The following FAM184B variants were observed in gnomAD, a reference collection of about 807,000 sequenced individuals.
The protein encoded by FAM184B is family with sequence similarity 184 member B.
Under a neutral mutation model 135.9 loss-of-function variants are expected in FAM184B, and 111 were observed. The observed-to-expected ratio is 0.82, with a 90% CI of 0.70 to 0.96. The LOEUF (loss-of-function observed/expected upper bound fraction) is 0.96. Among genes scored for constraint, FAM184B ranks in the 40% least tolerant of loss-of-function variants. The probability of loss-of-function intolerance (pLI) is 0.00; values close to 1 mark genes in which losing one functional copy is unlikely to be tolerated. For missense variants in FAM184B, 1,375 were observed against 1,323.9 expected (o/e 1.04, Z -0.60); for synonymous variants, 552 against 524.8 (o/e 1.05, Z -0.71).
intron 1 of FAM184B, among the ~76,000 whole-genome samples, chr4:17,778,682 T>C (rs1718977238): frequency 6.6e-6 from 1 of 152,014 alleles, no homozygotes; most frequent in South Asian, 2.1e-4. Flanking sequence ...GAGACTCTAT[T>C]TCTACAAAAA....
chr4:17,650,577 C>T (rs1357533194), intron 11 of FAM184B, among the ~76,000 whole-genome samples: 1 of 152,190 alleles, frequency 6.6e-6, no homozygotes, highest in Admixed American at 6.5e-5. Context: ...GCAGCTGCTG[C>T]TGGGTGTTGG....
rs147602260 is a variant in FAM184B, at chr4:17,713,617, A to C, written c.142-3973T>G. On this transcript the variant is annotated intron_variant, in intron 1 of 17. Coordinates refer to ENST00000265018, the MANE Select transcript of FAM184B (RefSeq NM_015688.2). Reference sequence around the variant, plus strand: ...CAGAGGATCCTCATGGCAACCCTGCAATTTGGTATTTTTCTGAGCAAATGG... The same window carrying C: ...CAGAGGATCCTCATGGCAACCCTGCCATTTGGTATTTTTCTGAGCAAATGG... 1.8e-4 allele frequency among the ~76,000 whole-genome samples: 28 copies of C among 152,332 alleles called. No homozygotes were observed. In the East Asian group the frequency reaches 5.4e-3, roughly 29 times the overall value.
chr4:17,733,002 T>C (rs1046863357), intron 1 of FAM184B, among the ~76,000 whole-genome samples: 6 of 152,220 alleles, frequency 3.9e-5, no homozygotes, highest in African/African-American at 1.2e-4. Context: ...TCAAGTGGGC[T>C]TCATTCCTGG....
chr4:17,781,565 C>G lies in FAM184B; in HGVS notation c.-266G>C, dbSNP rs971097334. The G allele has an allele frequency of 4.4e-5, 18 of 406,128 alleles. No homozygotes were observed. Among genetic ancestry groups the G allele is most frequent in the Non-Finnish European group, 7.0e-5 (16 of 229,276 alleles). The allele number at this position is 406,128 out of a possible 1,614,324, so 25.2% of individuals were successfully genotyped here. ...GCACCCTGCGGCGAGGCGTCGGCGC[C>G]CCGCACGTGCCGCTGGCGATCAGTC... On this transcript the variant is annotated 5_prime_UTR_variant, in exon 1 of 18. Coordinates refer to ENST00000265018, the MANE Select transcript of FAM184B (RefSeq NM_015688.2). The surrounding 1 kb of genome is among the most constrained non-coding windows in gnomAD (Gnocchi z 6.5).
intron 1 of FAM184B, among the ~76,000 whole-genome samples, chr4:17,733,063 T>C (rs1717823553): frequency 6.6e-6 from 1 of 152,134 alleles, no homozygotes; most frequent in Non-Finnish European, 1.5e-5. Context: ...ATCCAGCATA[T>C]AAACAGAACC....
At chr4:17,745,220 G>A (rs1052351157) in intron 1 of FAM184B, among the ~76,000 whole-genome samples, 15 of 152,212 alleles carry the variant, frequency 9.9e-5, no homozygotes, top group African/African-American at 3.1e-4. Flanking sequence ...CTAGATTTTA[G>A]TCCTTGCTCT....
intron 1 of FAM184B, among the ~76,000 whole-genome samples, chr4:17,714,946 G>A (rs962675773): frequency 3.9e-5 from 6 of 152,208 alleles, no homozygotes; most frequent in Non-Finnish European, 7.4e-5. Flanking sequence ...GAACTGTTCT[G>A]TCAGGCTGAA....
At chr4:17,719,388 T>C (rs1357017685) in intron 1 of FAM184B, among the ~76,000 whole-genome samples, 14 of 152,172 alleles carry the variant, frequency 9.2e-5, no homozygotes. Context: ...GACAAATAAT[T>C]TAAAACTTAT....
At chr4:17,706,041 A>G in intron 3 of FAM184B, 150 bp from the exon 4 acceptor site, 1 of 985,424 alleles carries the variant, frequency 1.0e-6, no homozygotes, top group Non-Finnish European at 1.5e-6. Flanking sequence ...CTGACCCCGA[A>G]GCATGGTCAA....
intron 10 of FAM184B, 21 bp downstream of exon 10, chr4:17,658,315 CCGGCACAGAGTAGA>C: frequency 6.5e-7 from 1 of 1,546,558 alleles, no homozygotes; most frequent in Non-Finnish European, 8.8e-7. Context: ...TAGCAGGTGC[CCGGCACAGAGTAGA>C]CGGCACAGTC....
intron 1 of FAM184B, among the ~76,000 whole-genome samples, chr4:17,743,147 A>G (rs1333029517): frequency 6.6e-6 from 1 of 152,220 alleles, no homozygotes; most frequent in African/African-American, 2.4e-5. Context: ...AGGTCAAGAG[A>G]ACTATCCTGT....
At chr4:17,634,433 C>T (rs1461429525) in intron 16 of FAM184B, among the ~76,000 whole-genome samples, 4 of 152,266 alleles carry the variant, frequency 2.6e-5, no homozygotes, top group African/African-American at 9.6e-5. Flanking sequence ...AAGTGATTCT[C>T]CTACCTCGGC....
intron 8 of FAM184B, among the ~76,000 whole-genome samples, chr4:17,662,101 C>A (rs1715932932): frequency 6.6e-6 from 1 of 152,204 alleles, no homozygotes; most frequent in Non-Finnish European, 1.5e-5. Context: ...ACGTGGGATG[C>A]ATTCTCTTGT....
At chr4:17,696,011 T>C (rs946038537) in intron 5 of FAM184B, among the ~76,000 whole-genome samples, 1 of 152,180 alleles carries the variant, frequency 6.6e-6, no homozygotes. Flanking sequence ...AGCAGGTATT[T>C]GTAGAGCAGC....
In FAM184B at chr4:17,647,800, G is replaced by T; in HGVS notation, c.2192-9C>A. 2 of 1,548,588 alleles carry T rather than the reference G, an allele frequency of 1.3e-6. No individual in the cohort carries two copies. Among genetic ancestry groups the T allele is most frequent in the South Asian group, 1.2e-5 (1 of 83,996 alleles). ...CTCCTGTCTGAGCGACTCTGGAAAAGGGAGAGCAGCAGTGAGTTAGGCGTT... is the reference window on the plus strand; with the variant it reads ...CTCCTGTCTGAGCGACTCTGGAAAATGGAGAGCAGCAGTGAGTTAGGCGTT... On this transcript the variant is annotated splice_polypyrimidine_tract_variant and intron_variant, in intron 11 of 17. Transcript: ENST00000265018.
intron 7 of FAM184B, among the ~76,000 whole-genome samples, chr4:17,668,088 C>A (rs925662199): frequency 2.0e-5 from 3 of 152,208 alleles, no homozygotes; most frequent in Non-Finnish European, 2.9e-5. Context: ...TACAGGTCAC[C>A]TGCATTAGCA....
intron 6 of FAM184B, among the ~76,000 whole-genome samples, chr4:17,691,152 T>C (rs570687493): frequency 6.6e-6 from 1 of 152,002 alleles, no homozygotes; most frequent in Non-Finnish European, 1.5e-5. Flanking sequence ...CGGTTAAGGG[T>C]GGGGTCATTA....
chr4:17,632,308 C>T lies in FAM184B; in HGVS notation c.*224G>A. On this transcript the variant is annotated 3_prime_UTR_variant, in exon 18 of 18. Transcript: ENST00000265018. ...CAGGCTGGTCTCAAATTCCTGGACT[C>T]AAGCAGTCCATCTGCCTCAGCCTCC... 1 of 338,468 alleles carries T rather than the reference C, an allele frequency of 3.0e-6. No individual in the cohort carries two copies. The highest frequency in any genetic ancestry group is 4.0e-5 in the Admixed American group (1 of 24,788). 21.0% of individuals were successfully genotyped at this position (338,468 alleles called of 1,614,324 possible). A position where few individuals can be genotyped will look rare whatever the true frequency, so the allele number is the denominator to read the frequency against.
rs1714955820 is a variant in FAM184B, at chr4:17,631,902, T to C, written c.*630A>G. On this transcript the variant is annotated 3_prime_UTR_variant, in exon 18 of 18. Transcript: ENST00000265018. ...AGGACAAGTACAACCACTTTTGAAA[T>C]AGATCATGGAAATCACAAAGTCTGA... 1 of 152,110 alleles carries C rather than the reference T, an allele frequency of 6.6e-6. No homozygotes were observed. Among genetic ancestry groups the C allele is most frequent in the Admixed American group, 6.6e-5 (1 of 15,262 alleles). The allele number at this position is 152,110 out of a possible 1,614,324, so 9.4% of individuals were successfully genotyped here. A position where few individuals can be genotyped will look rare whatever the true frequency, so the allele number is the denominator to read the frequency against.
Sources: allele counts gnomAD v4.1 joint callset (sites outside exome capture counted in the v4.1 genomes callset), GRCh38; gene constraint gnomAD v4.1.1; non-coding constraint Gnocchi (gnomAD v3.1); transcripts MANE v1.5; gene names NCBI Gene and HGNC (gene_info 2026-07-23, HGNC 2026-07-21).